The following DOCK5 variants were observed in gnomAD, a reference collection of about 807,000 sequenced individuals.
The protein encoded by DOCK5 is dedicator of cytokinesis 5.
In DOCK5, 142 loss-of-function variants were observed where a neutral mutation model predicts 251.8. That is an observed-to-expected ratio of 0.56 (90% CI 0.49 to 0.65). The LOEUF (loss-of-function observed/expected upper bound fraction) is 0.65. DOCK5 is among the 30% of genes least tolerant of loss of function. DOCK5 has a pLI of 0.00. For missense variants in DOCK5, 2,111 were observed against 2,312.3 expected (o/e 0.91, Z 1.79); for synonymous variants, 842 against 835.5 (o/e 1.01, Z -0.13).
intron 1 of DOCK5, among the ~76,000 whole-genome samples, chr8:25,197,168 A>G (rs1563304193): frequency 6.6e-6 from 1 of 152,216 alleles, no homozygotes; most frequent in Non-Finnish European, 1.5e-5. Flanking sequence ...TGACTGATTT[A>G]TAACTACACC....
chr8:25,352,701 G>A (rs1291315897), intron 27 of DOCK5, among the ~76,000 whole-genome samples: 1 of 152,100 alleles, frequency 6.6e-6, no homozygotes, highest in African/African-American at 2.4e-5. Flanking sequence ...CACTGCTCTG[G>A]ACACTGAAGA....
chr8:25,364,454 C>T (rs1293677779), intron 29 of DOCK5, among the ~76,000 whole-genome samples, 172 bp from the exon 30 acceptor site: 1 of 152,148 alleles, frequency 6.6e-6, no homozygotes, highest in Non-Finnish European at 1.5e-5. Context: ...AAACTGACCT[C>T]CTGTGCCCCA....
At chr8:25,290,061 A>G (rs1019594317) in intron 5 of DOCK5, among the ~76,000 whole-genome samples, 2 of 152,114 alleles carry the variant, frequency 1.3e-5, no homozygotes, top group African/African-American at 4.8e-5. Flanking sequence ...GTGTGTATAT[A>G]TATTATGATA....
At chr8:25,405,469 T>A (rs1801507069) in intron 48 of DOCK5, among the ~76,000 whole-genome samples, 1 of 152,122 alleles carries the variant, frequency 6.6e-6, no homozygotes, top group South Asian at 2.1e-4. Context: ...AAATCAAATT[T>A]CCACATACTC....
At chr8:25,328,225 C>G (rs998691162) in intron 18 of DOCK5, among the ~76,000 whole-genome samples, 2 of 151,770 alleles carry the variant, frequency 1.3e-5, no homozygotes, top group African/African-American at 2.4e-5. Context: ...AAGACAAACT[C>G]ATCATAACAC....
chr8:25,231,099 ATG>A (rs2117519410), intron 1 of DOCK5, among the ~76,000 whole-genome samples: 1 of 152,064 alleles, frequency 6.6e-6, no homozygotes, highest in African/African-American at 2.4e-5. Context: ...CCATACACAT[ATG>A]TATATGCAAA....
At chr8:25,336,181 C>G in intron 21 of DOCK5, 58 bp from the exon 22 acceptor site, 1 of 1,560,664 alleles carries the variant, frequency 6.4e-7, no homozygotes, top group Admixed American at 1.8e-5. Flanking sequence ...ATAACTTACC[C>G]AAGCCTCAGA....
At position 25,380,407 on chromosome 8, in the gene DOCK5, CA is replaced by C; in HGVS notation, c.4026+17del. On this transcript the variant is annotated intron_variant, in intron 39 of 51. Transcript: ENST00000276440. Reference sequence around the variant, plus strand: ...TGGCAACCTCCTGGTGAGTCTGGGTCAAAATATGTTAGGCCTCTGACAGGGT... The same window carrying C: ...TGGCAACCTCCTGGTGAGTCTGGGTCAAATATGTTAGGCCTCTGACAGGGT... 1 of 1,598,440 alleles carries C rather than the reference CA, an allele frequency of 6.3e-7. No individual in the cohort carries two copies.
chr8:25,226,533 G>A (rs181056623), intron 1 of DOCK5, among the ~76,000 whole-genome samples: 55 of 151,676 alleles, frequency 3.6e-4, no homozygotes, highest in East Asian at 1.2e-3. Context: ...GATTACAGGC[G>A]CAAGCCACCA....
rs141433952 is a variant in DOCK5, at chr8:25,411,204, C to T, written c.5519C>T (p.Pro1840Leu). The T allele has an allele frequency of 6.3e-7, 1 of 1,586,768 alleles. No individual in the cohort carries two copies. Among genetic ancestry groups the T allele is most frequent in the Non-Finnish European group, 8.6e-7 (1 of 1,168,588 alleles). Residue 1840 changes from proline (P) to leucine (L), a missense_variant, in exon 52 of 52, where the codon CCA becomes CTA. Pro to Leu is a moderately conservative substitution (Grantham distance 98). Coordinates refer to ENST00000276440, the MANE Select transcript of DOCK5 (RefSeq NM_024940.8). Reference sequence around the variant, plus strand: ...TTTCTGCTTCTGCAGCTCGCTCCCCCACTGCCTGTCCGAAGAGAAGCCAAA... The same window carrying T: ...TTTCTGCTTCTGCAGCTCGCTCCCCTACTGCCTGTCCGAAGAGAAGCCAAA... ...SQRNSTELAP[P>L]LPVRREAKAP... is the part of the protein sequence containing the mutation.
intron 11 of DOCK5, among the ~76,000 whole-genome samples, chr8:25,307,299 A>G (rs1034340298): frequency 2.0e-5 from 3 of 152,004 alleles, no homozygotes; most frequent in African/African-American, 7.3e-5. Flanking sequence ...TTCTATTTTT[A>G]GTAGAGACGG....
At chr8:25,201,488 C>T (rs766428408) in intron 1 of DOCK5, among the ~76,000 whole-genome samples, 9 of 152,172 alleles carry the variant, frequency 5.9e-5, no homozygotes, top group South Asian at 2.1e-4. Flanking sequence ...CAGATGTTGA[C>T]TTGTTTAGGG....
At chr8:25,389,297 A>G in intron 41 of DOCK5, 65 bp downstream of exon 41, 1 of 1,570,732 alleles carries the variant, frequency 6.4e-7, no homozygotes, top group African/African-American at 1.4e-5. Flanking sequence ...CAGCTAAGCC[A>G]GAGAACATAG....
intron 2 of DOCK5, among the ~76,000 whole-genome samples, chr8:25,268,193 T>C (rs1286073993): frequency 6.6e-6 from 1 of 151,820 alleles, no homozygotes; most frequent in South Asian, 2.1e-4. Context: ...AGCCTTTACC[T>C]AAAGCCTCAG....
intron 5 of DOCK5, among the ~76,000 whole-genome samples, chr8:25,288,174 C>T (rs1040735081): frequency 6.6e-6 from 1 of 152,196 alleles, no homozygotes; most frequent in Non-Finnish European, 1.5e-5. Flanking sequence ...GCGTGAGCCA[C>T]TGCGCCCGGC....
intron 16 of DOCK5, among the ~76,000 whole-genome samples, chr8:25,322,077 G>A (rs944272011): frequency 6.6e-6 from 1 of 152,138 alleles, no homozygotes; most frequent in African/African-American, 2.4e-5. Context: ...TTCTGGAATC[G>A]TCTTATTCTC....
chr8:25,340,775 T>G (rs1025547490), intron 22 of DOCK5, 102 bp from the exon 23 acceptor site: 10 of 910,046 alleles, frequency 1.1e-5, no homozygotes, highest in East Asian at 2.7e-5. Context: ...TCAGAATGAT[T>G]AGGGTGATAC....
At chr8:25,351,219 G>A (rs182923128) in intron 26 of DOCK5, among the ~76,000 whole-genome samples, 4 of 152,106 alleles carry the variant, frequency 2.6e-5, no homozygotes, top group Admixed American at 2.0e-4. Flanking sequence ...CACCACGCCC[G>A]GCTAATGTTT....
intron 16 of DOCK5, 27 bp downstream of exon 16, chr8:25,321,079 T>A (rs1401029566): frequency 1.2e-6 from 2 of 1,603,502 alleles, no homozygotes; most frequent in South Asian, 2.2e-5. Context: ...CTATGACATA[T>A]TTCCACTTAA....
Sources: gnomAD v4.1 joint callset for allele counts (sites outside exome capture counted in the v4.1 genomes callset) on GRCh38, gnomAD v4.1.1 for gene constraint, MANE v1.5 for transcripts, NCBI Gene and HGNC (gene_info 2026-07-23, HGNC 2026-07-21) for gene names.